Variants in KIF9 observed in about 807,000 individuals in gnomAD.
The protein encoded by KIF9 is kinesin-like protein KIF9.
In KIF9, 68 loss-of-function variants were observed where a neutral mutation model predicts 94.8. That is an observed-to-expected ratio of 0.72 (90% CI 0.59 to 0.88). The LOEUF (loss-of-function observed/expected upper bound fraction) is 0.88, where lower values mean the gene tolerates loss of function less well. KIF9 is among the 40% of genes least tolerant of loss of function. The pLI, the probability that KIF9 is intolerant of heterozygous loss-of-function variation, is 0.00. For synonymous variants in KIF9, 343 were observed against 362.1 expected (o/e 0.95, Z 0.60); for missense variants, 882 against 982.5 (o/e 0.90, Z 1.37).
At chr3:47,279,993 C>T (rs1304515921) in intron 1 of KIF9, among the ~76,000 whole-genome samples, 1 of 152,148 alleles carries the variant, frequency 6.6e-6, no homozygotes, top group African/African-American at 2.4e-5. Flanking sequence ...CTCGATCTCT[C>T]TCTCAGGGTG....
chr3:47,264,166 C>T (rs1688785506), intron 9 of KIF9, 120 bp downstream of exon 9: 1 of 775,170 alleles, frequency 1.3e-6, no homozygotes, highest in South Asian at 1.4e-5. Flanking sequence ...ACCCCTGGAT[C>T]CTTCCACTCT....
intron 20 of KIF9, among the ~76,000 whole-genome samples, chr3:47,232,427 G>C (rs1698664580): frequency 6.6e-6 from 1 of 151,982 alleles, no homozygotes; most frequent in Non-Finnish European, 1.5e-5. Flanking sequence ...TGGAACTACA[G>C]GCATGCGTCA....
At chr3:47,281,671 T>C (rs1465811099) in intron 1 of KIF9, among the ~76,000 whole-genome samples, 1 of 152,184 alleles carries the variant, frequency 6.6e-6, no homozygotes, top group Non-Finnish European at 1.5e-5. Context: ...CCTCAGGACC[T>C]TGTGGGGAAT....
chr3:47,245,568 G>A, intron 13 of KIF9, 57 bp from the exon 14 acceptor site: 1 of 1,341,882 alleles, frequency 7.5e-7, no homozygotes, highest in African/African-American at 1.4e-5. Flanking sequence ...AATCCACTGG[G>A]GCAAGAACCA....
At chr3:47,267,904 G>A (rs1424467854) in intron 5 of KIF9, among the ~76,000 whole-genome samples, 2 of 137,738 alleles carry the variant, frequency 1.5e-5, no homozygotes, top group Non-Finnish European at 3.0e-5. Flanking sequence ...GAGCATCTCA[G>A]TCTGTCACCC....
At chr3:47,237,897 C>G (rs924801175) in intron 17 of KIF9, among the ~76,000 whole-genome samples, 3 of 152,156 alleles carry the variant, frequency 2.0e-5, no homozygotes, top group African/African-American at 7.2e-5. Flanking sequence ...GCTGTGGTCT[C>G]TATGCTGTGG....
chr3:47,265,698 C>T, intron 8 of KIF9, 32 bp downstream of exon 8: 1 of 1,608,846 alleles, frequency 6.2e-7, no homozygotes, highest in Non-Finnish European at 8.5e-7. Flanking sequence ...GACACAGACC[C>T]TCCTCCCTGG....
At chr3:47,270,198 C>G (rs1396283197) in intron 5 of KIF9, among the ~76,000 whole-genome samples, 1 of 151,796 alleles carries the variant, frequency 6.6e-6, no homozygotes, top group Non-Finnish European at 1.5e-5. Flanking sequence ...GCCACCGCAC[C>G]TGGCTCTAAG....
intron 20 of KIF9, 73 bp from the exon 21 acceptor site, chr3:47,228,775 C>T (rs1391484837): frequency 7.6e-5 from 88 of 1,157,950 alleles, no homozygotes; most frequent in Non-Finnish European, 5.9e-5. Context: ...GACCAGGCCA[C>T]TCACATTCAC....
At position 47,245,593 on chromosome 3, in the gene KIF9, A is replaced by G. The variant is rs1699870200; in HGVS notation, c.1290-82T>C. The G allele has an allele frequency of 4.9e-6, 5 of 1,029,426 alleles. No homozygotes were observed. The South Asian group carries it at 5.1e-5, about 10-fold the overall frequency. The allele number at this position is 1,029,426 out of a possible 1,614,324, so 63.8% of individuals were successfully genotyped here. ...GGCAAGAACCAAGTACTGGGGTTAA[A>G]AGTCATATGGGTGAGGCCCCTTGTG... On this transcript the variant is annotated intron_variant, in intron 13 of 20. Coordinates refer to ENST00000684063, the MANE Select transcript of KIF9 (RefSeq NM_182902.4).
intron 17 of KIF9, among the ~76,000 whole-genome samples, chr3:47,236,843 T>C (rs1699062274): frequency 6.6e-6 from 1 of 152,180 alleles, no homozygotes; most frequent in South Asian, 2.1e-4. Flanking sequence ...ACACTGGCAT[T>C]TTAGGGCAAA....
chr3:47,246,446 A>G, intron 12 of KIF9, 194 bp from the exon 13 acceptor site: 1 of 387,762 alleles, frequency 2.6e-6, no homozygotes, highest in Non-Finnish European at 4.6e-6. Context: ...CACCTGATTA[A>G]TAATTTTAAA....
chr3:47,253,215 G>A (rs571249827), intron 10 of KIF9, among the ~76,000 whole-genome samples: 1 of 152,102 alleles, frequency 6.6e-6, no homozygotes, highest in East Asian at 1.9e-4. Context: ...GAGTGCAATG[G>A]CATGATCTCC....
intron 3 of KIF9, among the ~76,000 whole-genome samples, chr3:47,275,048 T>A (rs1701871846): frequency 6.6e-6 from 1 of 152,232 alleles, no homozygotes; most frequent in Non-Finnish European, 1.5e-5. Context: ...TCTTCAAAAC[T>A]AATACTTGAG....
chr3:47,263,560 T>TG lies in KIF9; in HGVS notation c.981+725dup, dbSNP rs1701113296. The TG allele has an allele frequency of 2.5e-5, 6 of 239,660 alleles. No homozygotes were observed. In the Admixed American group the frequency reaches 2.6e-4, roughly 10 times the overall value. 14.8% of individuals were successfully genotyped at this position (239,660 alleles called of 1,614,324 possible). On this transcript the variant is annotated intron_variant, in intron 9 of 20. Coordinates refer to ENST00000684063, the MANE Select transcript of KIF9 (RefSeq NM_182902.4). ...CCGCAGTAGATAGATGTTCCTGGTG[T>TG]GGGTCACATCTTCAGTCCCACTATT...
At position 47,273,795 on chromosome 3, in the gene KIF9, T is replaced by C. The variant is rs141785895; in HGVS notation, c.260-137A>G. ...TGGGGGCAGCCAAGAACATCAGGAA[T>C]TCCACCATGGAAGAGGATGGGTGGG... On this transcript the variant is annotated intron_variant, in intron 3 of 20. Coordinates refer to ENST00000684063, the MANE Select transcript of KIF9 (RefSeq NM_182902.4). 1,169 of 749,030 alleles carry C rather than the reference T, an allele frequency of 1.6e-3. 22 individuals are homozygous for C. The East Asian group carries it at 0.023, about 15-fold the overall frequency. 46.4% of individuals were successfully genotyped at this position (749,030 alleles called of 1,614,324 possible). A position where few individuals can be genotyped will look rare whatever the true frequency, so the allele number is the denominator to read the frequency against.
In KIF9 at chr3:47,269,064, G is replaced by A. The variant is rs532117757; in HGVS notation, c.592-1801C>T. 2.3e-4 allele frequency among the ~76,000 whole-genome samples: 35 copies of A among 152,168 alleles called. No homozygotes were observed. The South Asian group carries it at 7.1e-3, about 31-fold the overall frequency. On this transcript the variant is annotated intron_variant, in intron 5 of 20. Coordinates refer to ENST00000684063, the MANE Select transcript of KIF9 (RefSeq NM_182902.4). ...TCTGGGATTACAGGTGTGAGACACC[G>A]CGCCTGGCCTTGCCTTGTCTTTCTG...
intron 10 of KIF9, among the ~76,000 whole-genome samples, chr3:47,248,863 C>T (rs923644095): frequency 9.2e-5 from 14 of 152,126 alleles, no homozygotes; most frequent in African/African-American, 3.1e-4. Flanking sequence ...CTCACCTCAG[C>T]CTCCTGAGTA....
chr3:47,270,812 G>A (rs1371559501), intron 5 of KIF9, among the ~76,000 whole-genome samples: 1 of 150,202 alleles, frequency 6.7e-6, no homozygotes, highest in East Asian at 1.9e-4. Context: ...CTTGCTAAAT[G>A]TGCATATATT....
Sources: allele counts gnomAD v4.1 joint callset (sites outside exome capture counted in the v4.1 genomes callset), GRCh38; gene constraint gnomAD v4.1.1; transcripts MANE v1.5; gene names NCBI Gene and HGNC (gene_info 2026-07-23, HGNC 2026-07-21).